TOGARAM1: variants seen among roughly 807,000 people sequenced by gnomAD.
TOGARAM1 encodes the protein TOG array regulator of axonemal microtubules protein 1.
In TOGARAM1, 100 loss-of-function variants were observed where a neutral mutation model predicts 166.6. The observed-to-expected ratio is 0.60, with a 90% CI of 0.51 to 0.71. The LOEUF is 0.71. Among genes scored for constraint, TOGARAM1 ranks in the 30% least tolerant of loss-of-function variants. The pLI is 0.00. For missense variants in TOGARAM1, 2,029 were observed against 2,102.7 expected, an observed-to-expected ratio of 0.96 and a Z score of 0.69; for synonymous variants, 758 against 763.8, an observed-to-expected ratio of 0.99 and a Z score of 0.13.
intron 1 of TOGARAM1, among the ~76,000 whole-genome samples, chr14:44,978,628 G>C (rs909570857): frequency 1.3e-5 from 2 of 151,454 alleles, no homozygotes; most frequent in Non-Finnish European, 3.0e-5. Flanking sequence ...AATATGGTAG[G>C]ACTCTAAAAA....
At chr14:44,973,854 T>C (rs867813675) in intron 1 of TOGARAM1, among the ~76,000 whole-genome samples, 1 of 151,920 alleles carries the variant, frequency 6.6e-6, no homozygotes, top group African/African-American at 2.4e-5. Context: ...CTTTGTATGG[T>C]TTCTGAGAAG....
intron 11 of TOGARAM1, among the ~76,000 whole-genome samples, chr14:45,041,834 T>C (rs1489215597): frequency 2.0e-5 from 3 of 152,232 alleles, no homozygotes; most frequent in African/African-American, 7.2e-5. Flanking sequence ...CGATCACAGC[T>C]TACTGCAGCC....
chr14:45,027,012 A>G (rs1204410254), intron 8 of TOGARAM1, among the ~76,000 whole-genome samples: 1 of 151,994 alleles, frequency 6.6e-6, no homozygotes, highest in Non-Finnish European at 1.5e-5. Flanking sequence ...TCTCAAAACA[A>G]ACAAACAAAC....
intron 13 of TOGARAM1, among the ~76,000 whole-genome samples, chr14:45,045,575 ATATATATATGTGTGTGTGTGTGTGTG>A (rs1208859912): frequency 1.4e-4 from 6 of 41,514 alleles, no homozygotes; most frequent in African/African-American, 6.4e-4. Flanking sequence ...ATATATATAT[ATATATATATGTGTGTGTGTGTGTGTG>A]TGTGTGTGTG....
chr14:45,053,460 A>T lies in TOGARAM1; in HGVS notation c.4440+898A>T, dbSNP rs183203914. Among the ~76,000 whole-genome samples, 174 of 150,628 alleles carry T rather than the reference A, an allele frequency of 1.2e-3. 2 individuals are homozygous for T. The highest frequency in any genetic ancestry group is 4.0e-3 in the African/African-American group (159 of 39,916). Reference sequence around the variant, plus strand: ...AAGTAATCTATTTACATATTAATTTAAAAATATGTTTAATTTAATAAAGTA... The same window carrying T: ...AAGTAATCTATTTACATATTAATTTTAAAATATGTTTAATTTAATAAAGTA... On this transcript the variant is annotated intron_variant, in intron 15 of 19. Transcript: ENST00000361462.
chr14:44,980,051 T>G (rs1886445553), intron 1 of TOGARAM1, among the ~76,000 whole-genome samples: 1 of 152,238 alleles, frequency 6.6e-6, no homozygotes, highest in South Asian at 2.1e-4. Flanking sequence ...TAGCTGAAGC[T>G]GGCCTCCTCT....
chr14:45,057,621 G>A (rs1247915436), intron 16 of TOGARAM1, among the ~76,000 whole-genome samples: 2 of 151,982 alleles, frequency 1.3e-5, no homozygotes, highest in Non-Finnish European at 2.9e-5. Flanking sequence ...TGCTTTTGCT[G>A]TATCCCACAG....
rs1566586866 is a variant in TOGARAM1, at chr14:44,962,724, ACTC to A, written c.308_310del (p.Leu103del). 2 of 1,613,246 alleles carry A rather than the reference ACTC, an allele frequency of 1.2e-6. No homozygotes were observed. The highest frequency in any genetic ancestry group is 1.7e-6 in the Non-Finnish European group (2 of 1,179,842). Reference sequence around the variant, plus strand: ...ATGAAGAGGACACTCGGCTCCTTCAACTCCTCCGCACTGCCCGGGATCCTTCTG... The same window carrying A: ...ATGAAGAGGACACTCGGCTCCTTCAACTCCGCACTGCCCGGGATCCTTCTG... On this transcript the variant is annotated inframe_deletion, in exon 1 of 20. Coordinates refer to ENST00000361462, the MANE Select transcript of TOGARAM1 (RefSeq NM_001308120.2).
chr14:45,035,229 G>A (rs1412239179), intron 11 of TOGARAM1, among the ~76,000 whole-genome samples: 2 of 152,030 alleles, frequency 1.3e-5, no homozygotes, highest in African/African-American at 4.8e-5. Flanking sequence ...GTGTGGTGAT[G>A]CACACCTGTA....
At chr14:45,042,632 T>C (rs1280257633) in intron 11 of TOGARAM1, among the ~76,000 whole-genome samples, 9 of 152,194 alleles carry the variant, frequency 5.9e-5, no homozygotes, top group Admixed American at 5.9e-4. Context: ...ATTATAATCT[T>C]TTAAATCTAA....
chr14:44,963,756 G>A lies in TOGARAM1; in HGVS notation c.1335G>A (p.Ala445=), dbSNP rs748317794. 3 of 1,613,816 alleles carry A rather than the reference G, an allele frequency of 1.9e-6. No homozygotes were observed. The highest frequency in any genetic ancestry group is 1.1e-5 in the South Asian group (1 of 91,058). The change falls in exon 1 of 20, where the codon GCG becomes GCA. Residue 445 remains alanine (A), a synonymous_variant. Transcript: ENST00000361462. ...TAGCAGCTTCTGTCAAAGTGCTGGC[G>A]GACAACAAGTTGGTGATCAAACAAG... ...PVIAASVKVL[A]DNKLVIKQEY...
chr14:45,011,811 G>A (rs1879815217), intron 6 of TOGARAM1, 164 bp from the exon 7 acceptor site: 19 of 513,106 alleles, frequency 3.7e-5, no homozygotes, highest in Admixed American at 7.4e-5. Flanking sequence ...GTGTGTGTGT[G>A]TATACACACA....
intron 14 of TOGARAM1, 144 bp downstream of exon 14, chr14:45,046,847 A>G (rs944454506): frequency 3.3e-6 from 2 of 613,800 alleles, no homozygotes; most frequent in Admixed American, 4.4e-5. Flanking sequence ...GTCTTATTTA[A>G]CCAGTTTGTA....
chr14:45,007,148 A>G (rs932601848), intron 5 of TOGARAM1: 2 of 152,106 alleles, frequency 1.3e-5, no homozygotes, highest in African/African-American at 4.8e-5. Flanking sequence ...TTTTTAAGGT[A>G]TAAGCATCAA....
chr14:44,980,116 A>G (rs998489920), intron 1 of TOGARAM1, among the ~76,000 whole-genome samples: 4 of 152,136 alleles, frequency 2.6e-5, no homozygotes, highest in Non-Finnish European at 4.4e-5. Context: ...TGTATGTCAC[A>G]TATTCATGTG....
rs146726595 is a variant in TOGARAM1, at chr14:44,963,468, G to A, written c.1047G>A (p.Gly349=). The change falls in exon 1 of 20, where the codon GGG becomes GGA. Residue 349 remains glycine, a synonymous_variant. Coordinates refer to ENST00000361462, the MANE Select transcript of TOGARAM1 (RefSeq NM_001308120.2). The stretch of plus-strand genomic sequence containing the variant: ...TTTCCAACAGCAATCTTAAATTTGG[G>A]ATTATTCCTCAGGAGCTGCATTCAC... ...VTLSNSNLKF[G]IIPQELHSRL... 3 of 1,614,140 alleles carry A rather than the reference G, an allele frequency of 1.9e-6. No individual in the cohort carries two copies. Among genetic ancestry groups the A allele is most frequent in the Non-Finnish European group, 2.5e-6 (3 of 1,180,030 alleles).
intron 16 of TOGARAM1, among the ~76,000 whole-genome samples, chr14:45,061,159 A>G (rs1348439431): frequency 6.6e-6 from 1 of 152,186 alleles, no homozygotes; most frequent in Non-Finnish European, 1.5e-5. Context: ...ATTCATTTAT[A>G]TTCGTGAAGA....
intron 7 of TOGARAM1, among the ~76,000 whole-genome samples, chr14:45,020,372 G>C (rs1270434748): frequency 6.6e-6 from 1 of 152,206 alleles, no homozygotes; most frequent in African/African-American, 2.4e-5. Flanking sequence ...TACTACTGCT[G>C]CTAGGGAGTT....
intron 6 of TOGARAM1, among the ~76,000 whole-genome samples, chr14:45,010,930 T>C (rs1158850194): frequency 6.6e-6 from 1 of 152,224 alleles, no homozygotes; most frequent in African/African-American, 2.4e-5. Flanking sequence ...AATTGCTCTT[T>C]CAAAATATTT....
Sources: gnomAD v4.1 joint callset for allele counts (sites outside exome capture counted in the v4.1 genomes callset) on GRCh38, gnomAD v4.1.1 for gene constraint, MANE v1.5 for transcripts, NCBI Gene and HGNC (gene_info 2026-07-23, HGNC 2026-07-21) for gene names.